TSC1: variants seen among roughly 807,000 people sequenced by gnomAD.
The protein encoded by TSC1 is hamartin.
TSC1 carries 20 observed loss-of-function variants against 124.3 expected under a neutral mutation model. The observed-to-expected ratio is 0.16, with a 90% CI of 0.11 to 0.23. The LOEUF is 0.23. Ranked by LOEUF, TSC1 falls within the 10% of genes least tolerant of loss-of-function variation. The pLI, the probability that TSC1 is intolerant of heterozygous loss-of-function variation, is 1.00. For missense variants in TSC1, 1,124 were observed against 1,448.5 expected, an observed-to-expected ratio of 0.78 and a Z score of 3.64; for synonymous variants, 493 against 539.1, an observed-to-expected ratio of 0.91 and a Z score of 1.19.
At chr9:132,914,728 G>A (rs2132044621) in intron 8 of TSC1, among the ~76,000 whole-genome samples, 1 of 150,894 alleles carries the variant, frequency 6.6e-6, no homozygotes, top group Middle Eastern at 3.5e-3. Context: ...AATTAGCCAG[G>A]CATGGTGGCA....
At chr9:132,908,065 C>T (rs573166636) in intron 12 of TSC1, among the ~76,000 whole-genome samples, 226 of 152,084 alleles carry the variant, frequency 1.5e-3, no homozygotes, top group African/African-American at 5.1e-3. Context: ...CCAGCCTGGG[C>T]GACAGAGTGA....
intron 8 of TSC1, among the ~76,000 whole-genome samples, chr9:132,914,271 A>G (rs555190958): frequency 2.0e-5 from 3 of 152,052 alleles, no homozygotes; most frequent in East Asian, 3.9e-4. Flanking sequence ...AATTTATCCT[A>G]TAGAAACAGA....
chr9:132,901,588 C>G lies in TSC1; in HGVS notation c.2502+1G>C, dbSNP rs2131702478. On this transcript the variant is annotated splice_donor_variant, in intron 19 of 22. Transcript: ENST00000298552. LOFTEE classifies it high-confidence loss of function. ...TTCAGGTCTGCCTCATTTCTTCTTA[C>G]CTTTTGGGAAACCTGACTGAGCAGC... 1 of 1,613,594 alleles carries G rather than the reference C, an allele frequency of 6.2e-7. No individual in the cohort carries two copies. Among genetic ancestry groups the G allele is most frequent in the Non-Finnish European group, 8.5e-7 (1 of 1,179,724 alleles).
In TSC1 at chr9:132,907,317, C is replaced by G. The variant is rs770692313; in HGVS notation, c.1317G>C (p.Leu439=). The G allele has an allele frequency of 5.0e-6, 8 of 1,614,016 alleles. No homozygotes were observed. The highest frequency in any genetic ancestry group is 6.8e-6 in the Non-Finnish European group (8 of 1,179,998). The part of the protein sequence containing the change: ...RPCLHRQHHL[L]NDRGSEEPPG... ...AAATTTTACCTGATCCTCTGTCATT[C>G]AGAAGATGGTGTTGTCTGTGTAGAC... The change falls in exon 13 of 23, where the codon CTG becomes CTC. Residue 439 remains leucine (L), a synonymous_variant. Transcript: ENST00000298552.
intron 8 of TSC1, 59 bp from the exon 9 acceptor site, chr9:132,912,516 C>T (rs1770909021): frequency 1.2e-6 from 2 of 1,601,576 alleles, no homozygotes; most frequent in African/African-American, 1.3e-5. Context: ...TTAAATACTT[C>T]AGAGTGTCAA....
chr9:132,935,546 A>T (rs1847414667), intron 1 of TSC1, among the ~76,000 whole-genome samples: 1 of 152,232 alleles, frequency 6.6e-6, no homozygotes, highest in South Asian at 2.1e-4. Flanking sequence ...ACATGAGATG[A>T]TGCATTCCAT....
chr9:132,927,029 T>C, intron 4 of TSC1, 172 bp downstream of exon 4: 1 of 669,694 alleles, frequency 1.5e-6, no homozygotes, highest in Non-Finnish European at 2.6e-6. Context: ...TTTTCAAGAA[T>C]CATGGGTCCT....
rs755226092 is a variant in TSC1 at position 132,927,278 on chromosome 9, A to G, written c.133T>C (p.Leu45=). Residue 45 remains leucine (L), a synonymous_variant, in exon 4 of 23, where the codon TTG becomes CTG. Transcript: ENST00000298552. ...SDRGPMLVNT[L]VDYYLETSSQ... Reference sequence around the variant, plus strand: ...CTGGTTTCCAGGTAATAATCCACCAAGGTGTTTACAAGCATAGGGCCACGG... The same window carrying G: ...CTGGTTTCCAGGTAATAATCCACCAGGGTGTTTACAAGCATAGGGCCACGG... 7.4e-6 allele frequency: 12 copies of G among 1,613,878 alleles called. No individual in the cohort carries two copies. The highest frequency in any genetic ancestry group is 1.0e-5 in the Non-Finnish European group (12 of 1,179,914).
chr9:132,908,854 A>C (rs2131906660), intron 12 of TSC1, among the ~76,000 whole-genome samples: 1 of 150,450 alleles, frequency 6.6e-6, no homozygotes, highest in East Asian at 2.0e-4. Context: ...ATTTGAAACC[A>C]CATCAATGAG....
intron 2 of TSC1, among the ~76,000 whole-genome samples, chr9:132,932,104 G>A (rs2132343459): frequency 6.6e-6 from 1 of 152,320 alleles, no homozygotes; most frequent in South Asian, 2.1e-4. Flanking sequence ...CTGGGTGAAT[G>A]GATTTCTGTA....
rs1049138554 is a variant in TSC1 at position 132,906,541 on chromosome 9, C to T, written c.1438+190G>A. Reference sequence around the variant, plus strand: ...TCCAGCCAGGGTGACAGAGCAAGACCCTGTCTCAAAAAAAAAAAAAAAAAA... The same window carrying T: ...TCCAGCCAGGGTGACAGAGCAAGACTCTGTCTCAAAAAAAAAAAAAAAAAA... On this transcript the variant is annotated intron_variant, in intron 14 of 22. Coordinates refer to ENST00000298552, the MANE Select transcript of TSC1 (RefSeq NM_000368.5). The surrounding 1 kb of genome is among the most constrained non-coding windows in gnomAD (Gnocchi z 4.1). 5.2e-6 allele frequency: 3 copies of T among 579,860 alleles called. No homozygotes were observed. Among genetic ancestry groups the T allele is most frequent in the African/African-American group, 2.0e-5 (1 of 50,520 alleles). 35.9% of individuals were successfully genotyped at this position (579,860 alleles called of 1,614,324 possible). A position where few individuals can be genotyped will look rare whatever the true frequency, so the allele number is the denominator to read the frequency against.
In TSC1 at chr9:132,896,600, CGCTGCTGCT is replaced by C. The variant is rs2234980; in HGVS notation, c.3121_3129del (p.Ser1041_Ser1043del). On this transcript the variant is annotated inframe_deletion, in exon 23 of 23. Coordinates refer to ENST00000298552, the MANE Select transcript of TSC1 (RefSeq NM_000368.5). This position sits in a 1 kb window ranked among gnomAD's most constrained non-coding sequence, Gnocchi z 4.5. ...GGGGGTTTCTCTGGGGTAGAAAGCT[CGCTGCTGCT>C]GCTGCTGCTGCCTCCACCACCTCTG... is the stretch of plus-strand genomic sequence containing the variant. 2.5e-6 allele frequency: 4 copies of C among 1,613,460 alleles called. No homozygotes were observed. Among genetic ancestry groups the C allele is most frequent in the Non-Finnish European group, 1.7e-6 (2 of 1,179,640 alleles).
In TSC1 at chr9:132,902,908, C is replaced by A; in HGVS notation, c.2209-121G>T. On this transcript the variant is annotated intron_variant, in intron 17 of 22. Transcript: ENST00000298552. This position sits in a 1 kb window ranked among gnomAD's most constrained non-coding sequence, Gnocchi z 5.2. ...CCCTGAAAATGTAACTAACTACAGA[C>A]CAAAACTCTTAGAGCTCACTACTGT... The A allele has an allele frequency of 7.7e-7, 1 of 1,300,758 alleles. No homozygotes were observed. Among genetic ancestry groups the A allele is most frequent in the Non-Finnish European group, 1.1e-6 (1 of 913,154 alleles). 80.6% of individuals were successfully genotyped at this position (1,300,758 alleles called of 1,614,324 possible).
chr9:132,895,411 G>A lies in TSC1; in HGVS notation c.*824C>T, dbSNP rs886063613. ...TGCTTCTCGGGTAACCTCTCCCAGT[G>A]ACTGCTCCTTCCCTCCTATGGAGAA... On this transcript the variant is annotated 3_prime_UTR_variant, in exon 23 of 23. Transcript: ENST00000298552. 3.9e-5 allele frequency: 9 copies of A among 233,510 alleles called. No individual in the cohort carries two copies. Among genetic ancestry groups the A allele is most frequent in the Non-Finnish European group, 7.6e-5 (9 of 118,084 alleles). 14.5% of individuals were successfully genotyped at this position (233,510 alleles called of 1,614,324 possible).
At chr9:132,925,807 A>G (rs1846829056) in intron 4 of TSC1, 68 bp from the exon 5 acceptor site, 2 of 1,574,298 alleles carry the variant, frequency 1.3e-6, no homozygotes, top group Non-Finnish European at 1.7e-6. Context: ...TAAAGACAGC[A>G]ATGATGTGCT....
In TSC1 at chr9:132,905,857, G is replaced by C. The variant is rs548002938; in HGVS notation, c.1721C>G (p.Thr574Ser). The C allele has an allele frequency of 8.4e-5, 135 of 1,613,012 alleles. No homozygotes were observed. The highest frequency in any genetic ancestry group is 1.1e-4 in the Non-Finnish European group (127 of 1,179,160). The change falls in exon 15 of 23, where the codon ACT becomes AGT. Residue 574 changes from threonine to serine, a missense_variant. Coordinates refer to ENST00000298552, the MANE Select transcript of TSC1 (RefSeq NM_000368.5). The stretch of plus-strand genomic sequence containing the variant: ...AGTGAAGATACTGGTCTCCAAAGAA[G>C]TCTGGCATTCCCTGTCTCCCGCAGG... ...ESPAGDRECQ[T>S]SLETSIFTPS...
At chr9:132,932,021 A>T (rs1847230121) in intron 2 of TSC1, among the ~76,000 whole-genome samples, 1 of 152,254 alleles carries the variant, frequency 6.6e-6, no homozygotes, top group Non-Finnish European at 1.5e-5. Context: ...GTCTCTAGCC[A>T]TAAGTCTCTT....
chr9:132,902,387 C>T lies in TSC1; in HGVS notation c.2391+218G>A, dbSNP rs1301082455. On this transcript the variant is annotated intron_variant, in intron 18 of 22. Transcript: ENST00000298552. This position sits in a 1 kb window ranked among gnomAD's most constrained non-coding sequence, Gnocchi z 5.2. The stretch of plus-strand genomic sequence containing the variant: ...GCTGCAGAAAAAAAAATGACTGAGA[C>T]ACTAAGGGAGCTACTATATGAACCA... 2.0e-5 allele frequency among the ~76,000 whole-genome samples: 3 copies of T among 152,144 alleles called. No individual in the cohort carries two copies. Among genetic ancestry groups the T allele is most frequent in the Non-Finnish European group, 4.4e-5 (3 of 68,032 alleles).
rs1330434458 is a variant in TSC1, at chr9:132,906,308, G to A, written c.1439-169C>T. On this transcript the variant is annotated intron_variant, in intron 14 of 22. Coordinates refer to ENST00000298552, the MANE Select transcript of TSC1 (RefSeq NM_000368.5). This position sits in a 1 kb window ranked among gnomAD's most constrained non-coding sequence, Gnocchi z 4.1. ...CGCCTGTAATGCCAGAACTTTGGGA[G>A]GCTGAGGAGGGAGGATCACTTGAGC... The A allele has an allele frequency of 5.2e-6, 4 of 763,634 alleles. No homozygotes were observed. The highest frequency in any genetic ancestry group is 8.9e-6 in the Non-Finnish European group (4 of 450,584). The allele number at this position is 763,634 out of a possible 1,614,324, so 47.3% of individuals were successfully genotyped here. A position where few individuals can be genotyped will look rare whatever the true frequency, so the allele number is the denominator to read the frequency against.
Sources: allele counts gnomAD v4.1 joint callset (sites outside exome capture counted in the v4.1 genomes callset), GRCh38; gene constraint gnomAD v4.1.1; non-coding constraint Gnocchi (gnomAD v3.1); transcripts MANE v1.5; gene names NCBI Gene and HGNC (gene_info 2026-07-23, HGNC 2026-07-21).